The following NUP153 variants were observed in gnomAD, a reference collection of about 807,000 sequenced individuals.
NUP153 encodes the protein nuclear pore complex protein Nup153.
NUP153 carries 27 observed loss-of-function variants against 134.6 expected under a neutral mutation model. That is an observed-to-expected ratio of 0.20 (90% CI 0.15 to 0.28). The LOEUF is 0.28. Among genes scored for constraint, NUP153 ranks in the 10% least tolerant of loss-of-function variants. The probability of loss-of-function intolerance (pLI) is 1.00; values close to 1 mark genes in which losing one functional copy is unlikely to be tolerated. For synonymous variants in NUP153, 640 were observed against 623.5 expected (o/e 1.03, Z -0.40); for missense variants, 1,821 against 1,731.3 (o/e 1.05, Z -0.92).
intron 11 of NUP153, among the ~76,000 whole-genome samples, chr6:17,650,506 G>A (rs1209882350): frequency 6.6e-6 from 1 of 152,156 alleles, no homozygotes; most frequent in Non-Finnish European, 1.5e-5. Context: ...GACAGAATGA[G>A]TTCAGAGAAG....
intron 1 of NUP153, among the ~76,000 whole-genome samples, chr6:17,701,843 G>C (rs199994282): frequency 2.3e-5 from 2 of 87,318 alleles, no homozygotes; most frequent in African/African-American, 4.0e-5. Flanking sequence ...GGGGGGGGGG[G>C]GAAAAAAGCT....
At chr6:17,655,033 G>C (rs1350680443) in intron 11 of NUP153, among the ~76,000 whole-genome samples, 1 of 152,152 alleles carries the variant, frequency 6.6e-6, no homozygotes, top group Admixed American at 6.5e-5. Context: ...TACAAGACAA[G>C]AGCAAGCAAT....
At position 17,673,351 on chromosome 6, in the gene NUP153, A is replaced by G. The variant is rs954554160; in HGVS notation, c.852+1554T>C. 3.9e-5 allele frequency among the ~76,000 whole-genome samples: 6 copies of G among 152,150 alleles called. No homozygotes were observed. The South Asian group carries it at 1.0e-3, about 26-fold the overall frequency. ...TGGGCGACAGCACAAGACCTGTCTCAGAGAAAAAAAAAATAACAACTTCTG... is the reference window on the plus strand; with the variant it reads ...TGGGCGACAGCACAAGACCTGTCTCGGAGAAAAAAAAAATAACAACTTCTG... On this transcript the variant is annotated intron_variant, in intron 5 of 21. Transcript: ENST00000262077.
chr6:17,660,718 T>A (rs559909742), intron 11 of NUP153, among the ~76,000 whole-genome samples: 1 of 152,128 alleles, frequency 6.6e-6, no homozygotes, highest in African/African-American at 2.4e-5. Flanking sequence ...GGTGGAAATG[T>A]TGAACTGCAA....
intron 8 of NUP153, among the ~76,000 whole-genome samples, chr6:17,667,233 T>C (rs1251741044): frequency 1.3e-5 from 2 of 152,170 alleles, no homozygotes; most frequent in Admixed American, 6.5e-5. Context: ...TAATTCCAAA[T>C]GTCTAGGTAA....
chr6:17,685,125 G>A (rs1437096801), intron 2 of NUP153, among the ~76,000 whole-genome samples: 4 of 152,198 alleles, frequency 2.6e-5, no homozygotes, highest in African/African-American at 7.2e-5. Context: ...TATGTGCAAA[G>A]TGCAATAAAA....
intron 17 of NUP153, among the ~76,000 whole-genome samples, chr6:17,631,258 A>G (rs1765238942): frequency 6.6e-6 from 1 of 152,246 alleles, no homozygotes. Flanking sequence ...TACGCTGTGC[A>G]GGTGATGGCT....
At chr6:17,668,714 G>A (rs1767705170) in intron 8 of NUP153, among the ~76,000 whole-genome samples, 1 of 151,930 alleles carries the variant, frequency 6.6e-6, no homozygotes, top group East Asian at 2.0e-4. Context: ...ATGATGGCAC[G>A]TGCCTGTAAT....
rs140496420 is a variant in NUP153, at chr6:17,616,695, C to G, written c.4175G>C (p.Ser1392Thr). ...AFGSGTTPNS[S>T]SAFQFGSSTT... ...GCTGCTGCCAAACTGGAAAGCCGAA[C>G]CTGCAATAGTTAAAGCAGAAATACT... The change falls in exon 21 of 22, where the codon AGT (serine) becomes ACT (threonine). Residue 1392 changes from serine (S) to threonine (T), a missense_variant and splice_region_variant. By Grantham distance (58) the Ser-to-Thr change is moderately conservative. Transcript: ENST00000262077. The G allele has an allele frequency of 8.3e-5, 134 of 1,609,868 alleles. No homozygotes were observed. In the African/African-American group the frequency reaches 1.5e-3, roughly 18 times the overall value.
At position 17,616,164 on chromosome 6, in the gene NUP153, A is replaced by G. The variant is rs145299953; in HGVS notation, c.4361T>C (p.Val1454Ala). The change falls in exon 22 of 22, where the codon GTG becomes GCG. Residue 1454 changes from valine to alanine, a missense_variant. Physicochemically the swap from Val to Ala is moderately conservative, Grantham distance 64. Coordinates refer to ENST00000262077, the MANE Select transcript of NUP153 (RefSeq NM_005124.4). ...AFTVGSNGKN[V>A]FSSSGTSFSG... ...GAATGAAGTTCCAGAAGAAGAGAAC[A>G]CATTTTTCCCATTTGACCTGTGAAA... 1.7e-5 allele frequency: 27 copies of G among 1,612,552 alleles called. No individual in the cohort carries two copies. In the African/African-American group the frequency reaches 3.5e-4, roughly 21 times the overall value.
chr6:17,669,081 C>CTT lies in NUP153; in HGVS notation c.1015-55_1015-54dup, dbSNP rs371772324. The CTT allele has an allele frequency of 8.9e-3, 8,164 of 922,418 alleles. 1 individual carries two copies. The highest frequency in any genetic ancestry group is 0.013 in the South Asian group (710 of 52,832). The allele number at this position is 922,418 out of a possible 1,614,324, so 57.1% of individuals were successfully genotyped here. On this transcript the variant is annotated intron_variant, in intron 7 of 21. Coordinates refer to ENST00000262077, the MANE Select transcript of NUP153 (RefSeq NM_005124.4). The stretch of plus-strand genomic sequence containing the variant: ...ATAGATGGGGAGTTATGAAAAATAC[C>CTT]TTTTTTTTTTTTTTTGAGATGGAGT...
chr6:17,693,871 C>T (rs1769449072), intron 1 of NUP153, among the ~76,000 whole-genome samples: 1 of 152,140 alleles, frequency 6.6e-6, no homozygotes, highest in African/African-American at 2.4e-5. Context: ...GTAATCCCAG[C>T]ACTCCCAAAG....
At chr6:17,650,697 C>T (rs1331662809) in intron 11 of NUP153, among the ~76,000 whole-genome samples, 1 of 151,880 alleles carries the variant, frequency 6.6e-6, no homozygotes, top group Non-Finnish European at 1.5e-5. Context: ...GGAAATGTTA[C>T]CAAATGAAAA....
chr6:17,705,736 C>A (rs1368399136), intron 1 of NUP153, among the ~76,000 whole-genome samples: 2 of 152,084 alleles, frequency 1.3e-5, no homozygotes, highest in African/African-American at 4.8e-5. Context: ...CAGGGGAAAC[C>A]GAGAATTAAC....
intron 11 of NUP153, among the ~76,000 whole-genome samples, chr6:17,657,333 A>T (rs547499660): frequency 6.6e-6 from 1 of 151,832 alleles, no homozygotes; most frequent in East Asian, 1.9e-4. Flanking sequence ...ACTTAAGGCC[A>T]GGAGTTCGAG....
intron 11 of NUP153, among the ~76,000 whole-genome samples, chr6:17,659,607 G>T (rs904921946): frequency 6.6e-6 from 1 of 151,994 alleles, no homozygotes; most frequent in Non-Finnish European, 1.5e-5. Flanking sequence ...CGAGTAGCTG[G>T]GACTACACAC....
chr6:17,621,894 A>G (rs1374635867), intron 20 of NUP153, among the ~76,000 whole-genome samples: 1 of 152,202 alleles, frequency 6.6e-6, no homozygotes, highest in Non-Finnish European at 1.5e-5. Context: ...AAATGCCCTA[A>G]TTTATTACAC....
intron 20 of NUP153, among the ~76,000 whole-genome samples, chr6:17,618,778 G>A (rs1321163329): frequency 6.6e-6 from 1 of 152,138 alleles, no homozygotes; most frequent in Non-Finnish European, 1.5e-5. Context: ...GTGTTAGCCA[G>A]GATGGTCTCG....
intron 14 of NUP153, among the ~76,000 whole-genome samples, chr6:17,645,809 G>A (rs1045960236): frequency 6.6e-6 from 1 of 152,168 alleles, no homozygotes; most frequent in African/African-American, 2.4e-5. Flanking sequence ...ACTAAACAAA[G>A]ATAGTGGATA....
Sources: allele counts gnomAD v4.1 joint callset (sites outside exome capture counted in the v4.1 genomes callset), GRCh38; gene constraint gnomAD v4.1.1; transcripts MANE v1.5; gene names NCBI Gene and HGNC (gene_info 2026-07-23, HGNC 2026-07-21).